NCAPD3: variants seen among roughly 807,000 people sequenced by gnomAD.
NCAPD3 encodes condensin-2 complex subunit D3.
NCAPD3 carries 105 observed loss-of-function variants against 182.9 expected under a neutral mutation model. That is an observed-to-expected ratio of 0.57 (90% CI 0.49 to 0.68). The LOEUF (loss-of-function observed/expected upper bound fraction) is 0.68. Among genes scored for constraint, NCAPD3 ranks in the 30% least tolerant of loss-of-function variants. NCAPD3 has a pLI of 0.00. For missense variants in NCAPD3, 1,944 were observed against 1,837.0 expected, an observed-to-expected ratio of 1.06 and a Z score of -1.07; for synonymous variants, 815 against 679.9, an observed-to-expected ratio of 1.20 and a Z score of -3.09.
chr11:134,202,548 T>TTA (rs1944770768), intron 13 of NCAPD3, among the ~76,000 whole-genome samples: 1 of 151,798 alleles, frequency 6.6e-6, no homozygotes, highest in Non-Finnish European at 1.5e-5. Flanking sequence ...CAGCTGATTT[T>TTA]TATATATATT....
chr11:134,219,297 C>G (rs562937991), intron 2 of NCAPD3, among the ~76,000 whole-genome samples: 5 of 152,300 alleles, frequency 3.3e-5, no homozygotes, highest in African/African-American at 1.2e-4. Context: ...ATCCGCACCT[C>G]TCTTGGAGCA....
At chr11:134,182,246 C>T (rs1243682432) in intron 19 of NCAPD3, among the ~76,000 whole-genome samples, 2 of 152,204 alleles carry the variant, frequency 1.3e-5, no homozygotes, top group Non-Finnish European at 2.9e-5. Flanking sequence ...GTTCCAAGTC[C>T]TTGTCCAGCT....
chr11:134,167,949 G>A (rs1213666428), intron 27 of NCAPD3, 47 bp downstream of exon 27: 3 of 1,563,376 alleles, frequency 1.9e-6, no homozygotes, highest in Non-Finnish European at 2.6e-6. Flanking sequence ...TAGGGGAGCA[G>A]CACACTCACT....
Position 134,153,014 on chromosome 11 carries a change from G to C in NCAPD3, c.4427C>G (p.Ala1476Gly). The C allele has an allele frequency of 6.3e-7, 1 of 1,593,420 alleles. No homozygotes were observed. The highest frequency in any genetic ancestry group is 8.6e-7 in the Non-Finnish European group (1 of 1,167,728). The change falls in exon 35 of 35, where the codon GCC becomes GGC. Residue 1476 changes from alanine (A) to glycine (G), a missense_variant. Physicochemically the swap from Ala to Gly is moderately conservative, Grantham distance 60 (BLOSUM62 0). Around this residue, in one of 3 missense-constraint regions of NCAPD3, gnomAD observed 1,803 missense variants for 1,674.6 expected, o/e 1.08. Coordinates refer to ENST00000534548, the MANE Select transcript of NCAPD3 (RefSeq NM_015261.3). The stretch of plus-strand genomic sequence containing the variant: ...GCAGGCTGGAGTGTCTTTATTCCTG[G>C]CGGGAGACCGCACATTCCACTGCTG... ...QPQQWNVRSPARNKDTPACSR... is the reference protein window; with the variant it reads ...QPQQWNVRSPGRNKDTPACSR...
intron 26 of NCAPD3, 78 bp from the exon 27 acceptor site, chr11:134,168,273 TG>T: frequency 1.4e-6 from 2 of 1,474,960 alleles, no homozygotes; most frequent in Non-Finnish European, 9.4e-7. Flanking sequence ...TTCCCACAAC[TG>T]GGGGGCCATC....
chr11:134,165,798 G>C (rs1210432752), intron 27 of NCAPD3, among the ~76,000 whole-genome samples: 2 of 146,194 alleles, frequency 1.4e-5, no homozygotes, highest in Non-Finnish European at 3.0e-5. Flanking sequence ...GCTTAGGGGA[G>C]ATGCACACTC....
Position 134,206,590 on chromosome 11 carries a change from G to C in NCAPD3, c.1016+9C>G, listed in dbSNP as rs771516231. The C allele has an allele frequency of 3.7e-6, 6 of 1,613,252 alleles. No homozygotes were observed. The highest frequency in any genetic ancestry group is 4.2e-6 in the Non-Finnish European group (5 of 1,179,702). ...GACAGGGTGAAAATTCACGATTTGT[G>C]TGCTTCACCTGATAAACTGGACCGC... On this transcript the variant is annotated intron_variant, in intron 8 of 34. Coordinates refer to ENST00000534548, the MANE Select transcript of NCAPD3 (RefSeq NM_015261.3).
chr11:134,169,011 G>T lies in NCAPD3; in HGVS notation c.3145C>A (p.Pro1049Thr), dbSNP rs192889859. The T allele has an allele frequency of 1.9e-6, 3 of 1,613,926 alleles. No homozygotes were observed. Among genetic ancestry groups the T allele is most frequent in the Admixed American group, 1.7e-5 (1 of 59,998 alleles). ...ATGAAGTGTTGGAAGAACATGACAG[G>T]GTTCCTCTTCAGTAACAGGTGAGCC... ...CLAHLLLKRNPVMFFQHFIEC... is the reference protein window; with the variant it reads ...CLAHLLLKRNTVMFFQHFIEC... The change falls in exon 25 of 35, where the codon CCT becomes ACT. Residue 1049 changes from proline (P) to threonine (T), a missense_variant. Pro to Thr is a conservative substitution (Grantham distance 38). Around this residue, in one of 3 missense-constraint regions of NCAPD3, gnomAD observed 1,803 missense variants for 1,674.6 expected, o/e 1.08. Transcript: ENST00000534548.
At chr11:134,156,521 G>A (rs1943422836) in intron 32 of NCAPD3, among the ~76,000 whole-genome samples, 1 of 152,188 alleles carries the variant, frequency 6.6e-6, no homozygotes, top group South Asian at 2.1e-4. Context: ...GAAATCAAAG[G>A]AAAAGCACAA....
At chr11:134,191,483 G>C (rs189663184) in intron 16 of NCAPD3, among the ~76,000 whole-genome samples, 5 of 152,168 alleles carry the variant, frequency 3.3e-5, no homozygotes, top group Admixed American at 1.3e-4. Flanking sequence ...TACTTTTCTA[G>C]ACATGCTATA....
intron 1 of NCAPD3, 109 bp from the exon 2 acceptor site, chr11:134,220,835 TC>T: frequency 9.5e-7 from 1 of 1,047,898 alleles, no homozygotes. Flanking sequence ...TAGTCACGAT[TC>T]ACATTTAACT....
chr11:134,161,740 TG>T, intron 28 of NCAPD3, 40 bp downstream of exon 28: 1 of 1,190,704 alleles, frequency 8.4e-7, no homozygotes, highest in Non-Finnish European at 1.2e-6. Context: ...AGTAATGAAC[TG>T]GTAGGACAAC....
intron 11 of NCAPD3, 70 bp downstream of exon 11, chr11:134,203,584 C>T (rs898687307): frequency 9.6e-6 from 15 of 1,558,008 alleles, no homozygotes; most frequent in Non-Finnish European, 1.3e-5. Flanking sequence ...CAGAAAAGAA[C>T]GATTCCCTTG....
In NCAPD3 at chr11:134,191,484, A is replaced by T. The variant is rs574494877; in HGVS notation, c.2045+1205T>A. 2.6e-5 allele frequency among the ~76,000 whole-genome samples: 4 copies of T among 152,336 alleles called. No individual in the cohort carries two copies. In the South Asian group the frequency reaches 8.3e-4, roughly 32 times the overall value. ...CCTTATGGTTTGTGTACTTTTCTAG[A>T]CATGCTATACTTCAATACAAAAGTT... On this transcript the variant is annotated intron_variant, in intron 16 of 34. Coordinates refer to ENST00000534548, the MANE Select transcript of NCAPD3 (RefSeq NM_015261.3).
intron 3 of NCAPD3, among the ~76,000 whole-genome samples, chr11:134,214,709 T>A (rs1937954425): frequency 6.6e-6 from 1 of 152,132 alleles, no homozygotes; most frequent in Non-Finnish European, 1.5e-5. Context: ...ACATCAGGCA[T>A]GAGAGGAGAT....
At chr11:134,156,105 G>T (rs1430212893) in intron 32 of NCAPD3, among the ~76,000 whole-genome samples, 1 of 152,204 alleles carries the variant, frequency 6.6e-6, no homozygotes, top group Admixed American at 6.5e-5. Flanking sequence ...CTGCAGTCAG[G>T]ACTAGGAGAC....
chr11:134,164,830 G>A (rs1943714243), intron 27 of NCAPD3, among the ~76,000 whole-genome samples: 1 of 149,594 alleles, frequency 6.7e-6, no homozygotes, highest in African/African-American at 2.5e-5. Flanking sequence ...ATGACCTTAG[G>A]GGAGCTGAAC....
intron 16 of NCAPD3, among the ~76,000 whole-genome samples, chr11:134,189,566 G>A (rs190722988): frequency 2.8e-3 from 422 of 151,998 alleles, no homozygotes; most frequent in Middle Eastern, 0.01. Flanking sequence ...TCTTTTTTGA[G>A]GTTTTCCTCT....
At chr11:134,192,941 T>A in intron 15 of NCAPD3, 32 bp from the exon 16 acceptor site, 1 of 1,265,544 alleles carries the variant, frequency 7.9e-7, no homozygotes, top group South Asian at 1.2e-5. Flanking sequence ...CATGAGAAGG[T>A]CTAAATACAA....
Sources: allele counts gnomAD v4.1 joint callset (sites outside exome capture counted in the v4.1 genomes callset), GRCh38; gene constraint gnomAD v4.1.1; regional missense constraint gnomAD v4.1.1; transcripts MANE v1.5; gene names NCBI Gene and HGNC (gene_info 2026-07-23, HGNC 2026-07-21).